MYH13: variants seen among roughly 807,000 people sequenced by gnomAD.
MYH13 encodes the protein myosin heavy chain 13, also known as myosin-13.
A neutral mutation model predicts 232.1 loss-of-function variants in MYH13; 177 were observed. The observed-to-expected ratio is 0.76, with a 90% confidence interval of 0.67 to 0.86. MYH13 has a LOEUF of 0.86. Ranked by LOEUF, MYH13 falls within the 40% of genes least tolerant of loss-of-function variation. The pLI, the probability that MYH13 is intolerant of heterozygous loss-of-function variation, is 0.00. For synonymous variants in MYH13, 884 were observed against 923.5 expected (o/e 0.96, Z 0.78); for missense variants, 2,246 against 2,405.9 (o/e 0.93, Z 1.39).
At chr17:10,346,583 C>A in intron 13 of MYH13, 97 bp downstream of exon 13, 1 of 912,850 alleles carries the variant, frequency 1.1e-6, no homozygotes, top group South Asian at 1.8e-5. Context: ...AAGCTGATTT[C>A]ATGTGCATTT....
chr17:10,370,347 T>A (rs1597392030), intron 2 of MYH13, among the ~76,000 whole-genome samples: 1 of 152,230 alleles, frequency 6.6e-6, no homozygotes, highest in East Asian at 1.9e-4. Flanking sequence ...ACTGATAAAC[T>A]TCACCTTGTT....
chr17:10,307,207 C>T (rs1222817004), intron 35 of MYH13, 143 bp from the exon 36 acceptor site: 5 of 999,034 alleles, frequency 5.0e-6, no homozygotes, highest in Non-Finnish European at 5.6e-6. Context: ...GGGTACAGTA[C>T]TGTACATTCT....
At chr17:10,337,476 C>T (rs1276119601) in intron 18 of MYH13, among the ~76,000 whole-genome samples, 2 of 152,124 alleles carry the variant, frequency 1.3e-5, no homozygotes, top group Admixed American at 6.5e-5. Flanking sequence ...TAGCAAGCCC[C>T]GTATGTGCCT....
chr17:10,312,870 C>T, intron 30 of MYH13, 113 bp from the exon 31 acceptor site: 1 of 1,264,578 alleles, frequency 7.9e-7, no homozygotes, highest in Non-Finnish European at 1.1e-6. Context: ...TTTGATGAGA[C>T]CAAGACCTAG....
At position 10,313,280 on chromosome 17, in the gene MYH13, C is replaced by T. The variant is rs1702189517; in HGVS notation, c.4059G>A (p.Glu1353=). Residue 1353 remains glutamate, a synonymous_variant, in exon 30 of 41, where the codon GAG becomes GAA. Transcript: ENST00000252172. ...DCDLLREQYE[E]EQEAKAELQR... is the part of the protein sequence containing the mutation. Reference sequence around the variant, plus strand: ...GCAGCTCGGCCTTGGCTTCCTGCTCCTCCTCATACTGTTCCCGCAGCAGGT... The same window carrying T: ...GCAGCTCGGCCTTGGCTTCCTGCTCTTCCTCATACTGTTCCCGCAGCAGGT... 1.9e-6 allele frequency: 3 copies of T among 1,614,256 alleles called. No individual in the cohort carries two copies. The highest frequency in any genetic ancestry group is 2.5e-6 in the Non-Finnish European group (3 of 1,180,060).
At chr17:10,347,750 T>C (rs11078843) in intron 12 of MYH13, among the ~76,000 whole-genome samples, 2 of 137,028 alleles carry the variant, frequency 1.5e-5, no homozygotes, top group Admixed American at 1.5e-4. Flanking sequence ...ACAGAGTTTC[T>C]CAATGTTGCC....
chr17:10,336,935 T>G (rs1162489448), intron 18 of MYH13, among the ~76,000 whole-genome samples: 4 of 136,728 alleles, frequency 2.9e-5, no homozygotes, highest in Non-Finnish European at 4.8e-5. Flanking sequence ...TTTTTTTTTT[T>G]GAGAAGGAGT....
Position 10,357,768 on chromosome 17 carries a change from G to T in MYH13, c.705C>A (p.Ala235=), listed in dbSNP as rs192835271. 6.2e-7 allele frequency: 1 copy of T among 1,613,956 alleles called. No homozygotes were observed. Among genetic ancestry groups the T allele is most frequent in the African/African-American group, 1.3e-5 (1 of 75,004 alleles). Residue 235 remains alanine (A), a synonymous_variant, in exon 8 of 41, where the codon GCC becomes GCA. Transcript: ENST00000252172. ...AGGAGTTGTCATTCCTCACAGTCTT[G>T]GCATTTCCAAAGGCCTCCAGCAGTG... ...ANPLLEAFGN[A]KTVRNDNSSR...
chr17:10,334,532 G>A (rs1907522696), intron 18 of MYH13, among the ~76,000 whole-genome samples: 1 of 152,092 alleles, frequency 6.6e-6, no homozygotes, highest in Non-Finnish European at 1.5e-5. Flanking sequence ...GTCCTATCAG[G>A]TGGTGATTCT....
At chr17:10,324,393 C>T in intron 22 of MYH13, 129 bp from the exon 23 acceptor site, 7 of 983,970 alleles carry the variant, frequency 7.1e-6, no homozygotes, top group Non-Finnish European at 9.1e-6. Flanking sequence ...CACATGCACG[C>T]ACATGTGCAC....
chr17:10,334,030 G>A (rs1453187053), intron 18 of MYH13, among the ~76,000 whole-genome samples: 1 of 152,230 alleles, frequency 6.6e-6, no homozygotes, highest in African/African-American at 2.4e-5. Context: ...GAGCTTGGCT[G>A]GAAGGAGAGG....
chr17:10,324,576 C>T (rs1027198726), intron 22 of MYH13, among the ~76,000 whole-genome samples: 3 of 152,004 alleles, frequency 2.0e-5, no homozygotes, highest in Admixed American at 6.6e-5. Flanking sequence ...TCCCGAGTTG[C>T]TGGGATTACA....
At chr17:10,326,994 T>G (rs1389128238) in intron 22 of MYH13, among the ~76,000 whole-genome samples, 1 of 30,180 alleles carries the variant, frequency 3.3e-5, no homozygotes, top group Non-Finnish European at 6.9e-5. Context: ...TTTTTTTTTT[T>G]TTTTTTTTTT....
chr17:10,360,646 C>T (rs2071784561), intron 5 of MYH13, among the ~76,000 whole-genome samples: 1 of 152,148 alleles, frequency 6.6e-6, no homozygotes, highest in East Asian at 1.9e-4. Context: ...TACAATAGAG[C>T]ATGGATTGAA....
intron 8 of MYH13, among the ~76,000 whole-genome samples, chr17:10,355,593 C>T (rs2071742980): frequency 6.6e-6 from 1 of 152,188 alleles, no homozygotes; most frequent in Admixed American, 6.5e-5. Flanking sequence ...GGGCACCTCT[C>T]CACCGGGTGC....
chr17:10,356,785 C>A (rs1369832401), intron 8 of MYH13, among the ~76,000 whole-genome samples: 1 of 152,156 alleles, frequency 6.6e-6, no homozygotes, highest in African/African-American at 2.4e-5. Context: ...ACCATAGGCA[C>A]AAATGATGGC....
chr17:10,314,212 G>A (rs539957998), intron 29 of MYH13, among the ~76,000 whole-genome samples: 1 of 152,310 alleles, frequency 6.6e-6, no homozygotes, highest in Non-Finnish European at 1.5e-5. Context: ...CTGAGGCCAG[G>A]AGTTTGAGAC....
rs763700519 is a variant in MYH13, at chr17:10,303,184, T to C, written c.5667+12A>G. 9.3e-6 allele frequency: 15 copies of C among 1,611,698 alleles called. No individual in the cohort carries two copies. In the East Asian group the frequency reaches 2.9e-4, roughly 31 times the overall value. On this transcript the variant is annotated intron_variant, in intron 39 of 40. Coordinates refer to ENST00000252172, the MANE Select transcript of MYH13 (RefSeq NM_003802.3). ...CTGTCTGTGGGCACTGCCGGGGACC[T>C]CCTGTGCTTACCGCCTCCTCAGCCT... is the stretch of plus-strand genomic sequence containing the variant.
At chr17:10,351,866 G>A (rs1417018288) in intron 11 of MYH13, among the ~76,000 whole-genome samples, 1 of 152,196 alleles carries the variant, frequency 6.6e-6, no homozygotes, top group East Asian at 1.9e-4. Flanking sequence ...ATTGAAACAT[G>A]TTTGGACGTG....
Sources: allele counts gnomAD v4.1 joint callset (sites outside exome capture counted in the v4.1 genomes callset), GRCh38; gene constraint gnomAD v4.1.1; transcripts MANE v1.5; gene names NCBI Gene and HGNC (gene_info 2026-07-23, HGNC 2026-07-21).